COL6A1: variants seen among roughly 807,000 people sequenced by gnomAD.
COL6A1 encodes collagen alpha-1(VI) chain.
A neutral mutation model predicts 145.6 loss-of-function variants in COL6A1; 80 were observed. The observed-to-expected ratio is 0.55, with a 90% CI of 0.46 to 0.66. COL6A1 has a LOEUF of 0.66. Among genes scored for constraint, COL6A1 ranks in the 30% least tolerant of loss-of-function variants. The pLI, the probability that COL6A1 is intolerant of heterozygous loss-of-function variation, is 0.00. For synonymous variants in COL6A1, 638 were observed against 622.8 expected (o/e 1.02, Z -0.36); for missense variants, 1,364 against 1,473.8 (o/e 0.93, Z 1.22).
At chr21:45,989,511 C>A in intron 9 of COL6A1, 97 bp from the exon 10 acceptor site, 2 of 1,298,128 alleles carry the variant, frequency 1.5e-6, no homozygotes, top group Admixed American at 1.7e-5. Context: ...CTCGGCCTGA[C>A]CAGGCCTGGG....
chr21:45,981,969 A>G (rs559243015), intron 1 of COL6A1, 22 bp downstream of exon 1: 2 of 1,566,730 alleles, frequency 1.3e-6, no homozygotes, highest in Non-Finnish European at 1.7e-6. Context: ...CTTGGGGTGC[A>G]GGCTCCAGAC....
chr21:45,989,590 T>TGA lies in COL6A1; in HGVS notation c.859-18_859-17insGA, dbSNP rs759266783. ...CTGCTCCTCCGGGGGTGTCTCACCA[T>TGA]CTCCTCCTGTGTTCCAGGGAAGACC... On this transcript the variant is annotated splice_polypyrimidine_tract_variant and intron_variant, in intron 9 of 34. Coordinates refer to ENST00000361866, the MANE Select transcript of COL6A1 (RefSeq NM_001848.3). The TGA allele has an allele frequency of 3.3e-4, 536 of 1,612,388 alleles. 2 individuals are homozygous for TGA. In the African/African-American group the frequency reaches 6.2e-3, roughly 19 times the overall value.
intron 20 of COL6A1, among the ~76,000 whole-genome samples, chr21:45,995,372 G>A (rs1290455438): frequency 1.3e-5 from 2 of 152,248 alleles, no homozygotes; most frequent in East Asian, 1.9e-4. Flanking sequence ...ACAGGGCCAG[G>A]TGCAGGGCAC....
rs1413756924 is a variant in COL6A1 at position 45,987,815 on chromosome 21, G to T, written c.804+161G>T. On this transcript the variant is annotated intron_variant, in intron 8 of 34. Transcript: ENST00000361866. ...GGGGGTCCAGATGGAGGGGACGGCG[G>T]GAGTCCAGATGGAGGGGATGGCGGG... Among the ~76,000 whole-genome samples, 11 of 48,754 alleles carry T rather than the reference G, an allele frequency of 2.3e-4. 1 individual carries two copies. Among genetic ancestry groups the T allele is most frequent in the East Asian group, 1.8e-3 (2 of 1,116 alleles). The allele number at this position is 48,754 out of a possible 152,430, so 32.0% of individuals were successfully genotyped here. A position where few individuals can be genotyped will look rare whatever the true frequency, so the allele number is the denominator to read the frequency against.
Position 46,002,021 on chromosome 21 carries a change from C to G in COL6A1, c.2017C>G (p.His673Asp), listed in dbSNP as rs775197875. The G allele has an allele frequency of 1.2e-5, 19 of 1,612,570 alleles. No homozygotes were observed. The highest frequency in any genetic ancestry group is 1.5e-5 in the Non-Finnish European group (18 of 1,179,886). Residue 673 changes from histidine (H) to aspartate (D), a missense_variant, in exon 31 of 35, where the codon CAC becomes GAC. Around this residue, in one of 3 missense-constraint regions of COL6A1, gnomAD observed 938 missense variants for 1,003.8 expected, o/e 0.93. Coordinates refer to ENST00000361866, the MANE Select transcript of COL6A1 (RefSeq NM_001848.3). ...GTACAGCCACAGCCAGATGCAGGAG[C>G]ACGTGAGCCTGCGCAGCCCCAGCAT... ...VQYSHSQMQE[H>D]VSLRSPSIRN...
In COL6A1 at chr21:45,987,155, A is replaced by G. The variant is rs1461487571; in HGVS notation, c.718A>G (p.Lys240Glu). 6.3e-6 allele frequency: 10 copies of G among 1,598,998 alleles called. No homozygotes were observed. The highest frequency in any genetic ancestry group is 8.5e-6 in the Non-Finnish European group (10 of 1,176,094). Reference protein sequence around the residue: ...QTIDTIVDMIKNNVEQVCCSF... With the variant: ...QTIDTIVDMIENNVEQVCCSF... Reference sequence around the variant, plus strand: ...TCTGCGTTTCCATTTCTCTTTCCAGAAAAATAACGTGGAGCAAGTGGTAAG... The same window carrying G: ...TCTGCGTTTCCATTTCTCTTTCCAGGAAAATAACGTGGAGCAAGTGGTAAG... The change falls in exon 6 of 35, where the codon AAA becomes GAA. Residue 240 changes from lysine to glutamate, a missense_variant and splice_region_variant. Physicochemically the swap from Lys to Glu is moderately conservative, Grantham distance 56. Coordinates refer to ENST00000361866, the MANE Select transcript of COL6A1 (RefSeq NM_001848.3).
At chr21:45,997,607 C>A in intron 21 of COL6A1, 93 bp from the exon 22 acceptor site, 1 of 1,537,632 alleles carries the variant, frequency 6.5e-7, no homozygotes. Context: ...TCCTGGCTCC[C>A]GATGGGACCT....
chr21:46,001,629 G>A (rs977511929), intron 30 of COL6A1, among the ~76,000 whole-genome samples: 2 of 152,240 alleles, frequency 1.3e-5, no homozygotes, highest in African/African-American at 4.8e-5. Context: ...CTTGAAGGGC[G>A]GTAGTCTGGG....
In COL6A1 at chr21:46,003,107, T is replaced by G. The variant is rs746838395; in HGVS notation, c.2435-13T>G. On this transcript the variant is annotated splice_polypyrimidine_tract_variant and intron_variant, in intron 33 of 34. Transcript: ENST00000361866. ...GCAGTGGGCTCACACTGCACGGCTT[T>G]TCTCTTTTACAGACAAGAAGTGTCC... 100 of 1,613,964 alleles carry G rather than the reference T, an allele frequency of 6.2e-5. 1 individual carries two copies. In the East Asian group the frequency reaches 2.2e-3, roughly 36 times the overall value.
Position 45,994,238 on chromosome 21 carries a change from C to T in COL6A1, c.1398+9C>T, listed in dbSNP as rs1177202305. 7 of 1,607,932 alleles carry T rather than the reference C, an allele frequency of 4.4e-6. No homozygotes were observed. Among genetic ancestry groups the T allele is most frequent in the East Asian group, 2.2e-5 (1 of 44,654 alleles). ...GTGTCCCTGGAGACCCGGTAGGAAG[C>T]GCTGTGGGGTTGGGGGGCGTTGGCC... On this transcript the variant is annotated intron_variant, in intron 20 of 34. Coordinates refer to ENST00000361866, the MANE Select transcript of COL6A1 (RefSeq NM_001848.3). This position sits in a 1 kb window ranked among gnomAD's most constrained non-coding sequence, Gnocchi z 6.8.
chr21:45,982,018 G>A lies in COL6A1; in HGVS notation c.97+71G>A, dbSNP rs531752890. ...CTGCCGGCCAGGGCCAGATGCGCGG[G>A]GTCCCCTCCCACGCGTGGAACTGCA... On this transcript the variant is annotated intron_variant, in intron 1 of 34. Coordinates refer to ENST00000361866, the MANE Select transcript of COL6A1 (RefSeq NM_001848.3). 21 of 1,267,238 alleles carry A rather than the reference G, an allele frequency of 1.7e-5. No individual in the cohort carries two copies. In the Admixed American group the frequency reaches 1.8e-4, roughly 11 times the overall value. The allele number at this position is 1,267,238 out of a possible 1,614,324, so 78.5% of individuals were successfully genotyped here. A position where few individuals can be genotyped will look rare whatever the true frequency, so the allele number is the denominator to read the frequency against.
intron 3 of COL6A1, among the ~76,000 whole-genome samples, chr21:45,985,281 C>CAGAGACAGAGAGAT (rs1357832720): frequency 6.7e-6 from 1 of 149,844 alleles, no homozygotes; most frequent in African/African-American, 2.5e-5. Context: ...GACAGAGGGA[C>CAGAGACAGAGAGAT]AGAGACAGAG....
chr21:45,998,563 C>A, intron 24 of COL6A1, 130 bp downstream of exon 24: 1 of 1,253,486 alleles, frequency 8.0e-7, no homozygotes, highest in Non-Finnish European at 1.1e-6. Context: ...GCACCCACGG[C>A]TGCCCCACTG....
chr21:45,994,030 G>A lies in COL6A1; in HGVS notation c.1336-137G>A. On this transcript the variant is annotated intron_variant, in intron 19 of 34. Coordinates refer to ENST00000361866, the MANE Select transcript of COL6A1 (RefSeq NM_001848.3). This position sits in a 1 kb window ranked among gnomAD's most constrained non-coding sequence, Gnocchi z 6.8. ...CCGAGGAAACGCTTGGCGAGGCCAGGAAGGGGCTGTGCGGGGAGGGAAGGC... is the reference window on the plus strand; with the variant it reads ...CCGAGGAAACGCTTGGCGAGGCCAGAAAGGGGCTGTGCGGGGAGGGAAGGC... 1.1e-6 allele frequency: 1 copy of A among 893,970 alleles called. No individual in the cohort carries two copies. Among genetic ancestry groups the A allele is most frequent in the South Asian group, 1.4e-5 (1 of 70,624 alleles). The allele number at this position is 893,970 out of a possible 1,614,324, so 55.4% of individuals were successfully genotyped here.
At chr21:45,984,070 C>T (rs925563708) in intron 2 of COL6A1, among the ~76,000 whole-genome samples, 199 bp from the exon 3 acceptor site, 81 of 152,312 alleles carry the variant, frequency 5.3e-4, no homozygotes, top group African/African-American at 1.9e-3. Context: ...GGGATCGGGG[C>T]GCAGGTCGCT....
intron 3 of COL6A1, among the ~76,000 whole-genome samples, chr21:45,986,043 C>T (rs1469923267): frequency 6.6e-6 from 1 of 152,246 alleles, no homozygotes; most frequent in African/African-American, 2.4e-5. Context: ...GCCCTCCTTC[C>T]TGCTGCTCCC....
chr21:45,983,797 T>C (rs2077722019), intron 2 of COL6A1, among the ~76,000 whole-genome samples: 1 of 139,812 alleles, frequency 7.2e-6, no homozygotes, highest in Non-Finnish European at 1.5e-5. Context: ...GTCATCCCCA[T>C]GTCGCTGCCA....
intron 3 of COL6A1, among the ~76,000 whole-genome samples, chr21:45,985,435 A>AGAGAGACT (rs745856084): frequency 2.0e-5 from 3 of 152,242 alleles, no homozygotes; most frequent in African/African-American, 7.2e-5. Flanking sequence ...AAACAGAGGC[A>AGAGAGACT]GAGAGACTGA....
At chr21:45,986,751 C>T (rs2123466288) in intron 4 of COL6A1, 66 bp downstream of exon 4, 1 of 1,528,100 alleles carries the variant, frequency 6.5e-7, no homozygotes, top group African/African-American at 1.4e-5. Flanking sequence ...AGGCCCCCGG[C>T]AGCTGGGACC....
Sources: allele counts gnomAD v4.1 joint callset (sites outside exome capture counted in the v4.1 genomes callset), GRCh38; gene constraint gnomAD v4.1.1; regional missense constraint gnomAD v4.1.1; non-coding constraint Gnocchi (gnomAD v3.1); transcripts MANE v1.5; gene names NCBI Gene and HGNC (gene_info 2026-07-23, HGNC 2026-07-21).